The following SLC27A2 variants were observed in gnomAD, a reference collection of about 807,000 sequenced individuals.
SLC27A2 encodes the protein solute carrier family 27 member 2, also known as long-chain fatty acid transport protein 2.
Under a neutral mutation model 60.0 loss-of-function variants are expected in SLC27A2, and 54 were observed. The observed-to-expected ratio is 0.90, with a 90% CI of 0.72 to 1.13. The LOEUF is 1.13. Ranked by LOEUF, SLC27A2 falls within the 50% of genes most tolerant of loss-of-function variation. The pLI is 0.00. For missense variants in SLC27A2, 739 were observed against 777.6 expected, an observed-to-expected ratio of 0.95 and a Z score of 0.59; for synonymous variants, 297 against 297.6, an observed-to-expected ratio of 1.00 and a Z score of 0.02.
rs143557372 is a variant in SLC27A2 at position 50,182,702 on chromosome 15, C to T, written c.275C>T (p.Ala92Val). 7 of 1,613,852 alleles carry T rather than the reference C, an allele frequency of 4.3e-6. No homozygotes were observed. Among genetic ancestry groups the T allele is most frequent in the Non-Finnish European group, 5.1e-6 (6 of 1,179,908 alleles). Reference sequence around the variant, plus strand: ...GTGGACCGGCGCAGCAATCAAGTGGCCCGGGCGCTGCACGACCACCTCGGC... The same window carrying T: ...GTGGACCGGCGCAGCAATCAAGTGGTCCGGGCGCTGCACGACCACCTCGGC... ...AQVDRRSNQV[A>V]RALHDHLGLR... is the part of the protein sequence containing the mutation. Residue 92 changes from alanine to valine, a missense_variant, in exon 1 of 10, where the codon GCC becomes GTC. Transcript: ENST00000267842.
chr15:50,182,981 A>G (rs1330414099), intron 1 of SLC27A2, 76 bp downstream of exon 1: 21 of 1,436,518 alleles, frequency 1.5e-5, no homozygotes, highest in Non-Finnish European at 2.0e-5. Flanking sequence ...GCGTGGCATA[A>G]GGGGTTCGCA....
intron 1 of SLC27A2, among the ~76,000 whole-genome samples, chr15:50,192,481 A>G (rs2044981857): frequency 6.6e-6 from 1 of 152,256 alleles, no homozygotes; most frequent in African/African-American, 2.4e-5. Context: ...GCATGACACC[A>G]GCTTAATTAC....
intron 1 of SLC27A2, among the ~76,000 whole-genome samples, chr15:50,195,928 G>A (rs1189355657): frequency 2.0e-5 from 3 of 148,876 alleles, no homozygotes; most frequent in Non-Finnish European, 3.0e-5. Flanking sequence ...GGTGGCGGGC[G>A]CCTGTGGTCC....
chr15:50,213,286 G>C (rs1453924871), intron 4 of SLC27A2, among the ~76,000 whole-genome samples: 1 of 152,054 alleles, frequency 6.6e-6, no homozygotes. Context: ...CCTAACACTG[G>C]AGCTCCCAAA....
At chr15:50,206,336 A>G (rs1213830515) in intron 4 of SLC27A2, among the ~76,000 whole-genome samples, 2 of 152,166 alleles carry the variant, frequency 1.3e-5, no homozygotes, top group Non-Finnish European at 2.9e-5. Context: ...TAAACTCACC[A>G]GATTCTAATC....
intron 1 of SLC27A2, among the ~76,000 whole-genome samples, chr15:50,193,928 G>C (rs932502770): frequency 2.6e-5 from 4 of 152,146 alleles, no homozygotes; most frequent in African/African-American, 9.7e-5. Flanking sequence ...AAAGGCTGAG[G>C]TGGGAGGATC....
At chr15:50,226,266 T>C in intron 6 of SLC27A2, 188 bp downstream of exon 6, 1 of 520,222 alleles carries the variant, frequency 1.9e-6, no homozygotes, top group Non-Finnish European at 3.5e-6. Flanking sequence ...AACATAATTC[T>C]AGTTTTAAAC....
chr15:50,182,365 G>A lies in SLC27A2; in HGVS notation c.-63G>A, dbSNP rs1207276643. Reference sequence around the variant, plus strand: ...CAGTCCGCCCGGAGCCCGCCCAGTCGCCGCGCTGCACGCCCGGGGTGAACC... The same window carrying A: ...CAGTCCGCCCGGAGCCCGCCCAGTCACCGCGCTGCACGCCCGGGGTGAACC... On this transcript the variant is annotated 5_prime_UTR_variant, in exon 1 of 10. Transcript: ENST00000267842. The A allele has an allele frequency of 2.8e-6, 4 of 1,412,954 alleles. No individual in the cohort carries two copies. The African/African-American group carries it at 6.0e-5, about 21-fold the overall frequency. The allele number at this position is 1,412,954 out of a possible 1,614,324, so 87.5% of individuals were successfully genotyped here. A position where few individuals can be genotyped will look rare whatever the true frequency, so the allele number is the denominator to read the frequency against.
intron 4 of SLC27A2, among the ~76,000 whole-genome samples, chr15:50,217,170 C>A (rs2140908876): frequency 6.6e-6 from 1 of 151,854 alleles, no homozygotes; most frequent in South Asian, 2.1e-4. Flanking sequence ...TGATGGGTGC[C>A]CCAAAATCTC....
At chr15:50,234,108 C>T (rs1323518265) in intron 9 of SLC27A2, 110 bp downstream of exon 9, 2 of 1,076,582 alleles carry the variant, frequency 1.9e-6, no homozygotes, top group African/African-American at 1.6e-5. Flanking sequence ...GTTTTCACCG[C>T]ACTTTCCAGG....
At chr15:50,198,543 C>T (rs1260083270) in intron 2 of SLC27A2, 1 of 152,036 alleles carries the variant, frequency 6.6e-6, no homozygotes, top group Non-Finnish European at 1.5e-5. Flanking sequence ...ATACAATTGA[C>T]AGCTCTACCC....
intron 4 of SLC27A2, among the ~76,000 whole-genome samples, chr15:50,217,554 C>G (rs572173131): frequency 6.6e-6 from 1 of 152,054 alleles, no homozygotes; most frequent in African/African-American, 2.4e-5. Flanking sequence ...TAAACTTTCC[C>G]GGAAAAGACA....
chr15:50,230,934 G>A (rs1324860246), intron 8 of SLC27A2, among the ~76,000 whole-genome samples: 1 of 152,170 alleles, frequency 6.6e-6, no homozygotes, highest in Admixed American at 6.6e-5. Flanking sequence ...CCAGGAGTCT[G>A]TTACAAGTGT....
At chr15:50,217,825 G>A (rs1168381039) in intron 4 of SLC27A2, among the ~76,000 whole-genome samples, 2 of 152,100 alleles carry the variant, frequency 1.3e-5, no homozygotes, top group Non-Finnish European at 2.9e-5. Context: ...GGAGGCTGAG[G>A]TGGGCGGATC....
chr15:50,187,522 A>G (rs2044934455), intron 1 of SLC27A2, among the ~76,000 whole-genome samples: 1 of 152,204 alleles, frequency 6.6e-6, no homozygotes, highest in African/African-American at 2.4e-5. Context: ...TCCACTGGGT[A>G]GATAACCCAG....
At chr15:50,203,271 T>C (rs1229279393) in intron 3 of SLC27A2, among the ~76,000 whole-genome samples, 1 of 152,174 alleles carries the variant, frequency 6.6e-6, no homozygotes, top group Non-Finnish European at 1.5e-5. Flanking sequence ...TGCATGTTAA[T>C]CTCCATCAGC....
intron 7 of SLC27A2, 126 bp from the exon 8 acceptor site, chr15:50,228,819 A>G: frequency 1.5e-6 from 1 of 679,014 alleles, no homozygotes; most frequent in Non-Finnish European, 2.6e-6. Context: ...GGGGAGTTTG[A>G]GGGGCCAAGA....
intron 1 of SLC27A2, among the ~76,000 whole-genome samples, chr15:50,191,826 A>G (rs554741749): frequency 6.6e-6 from 1 of 152,284 alleles, no homozygotes; most frequent in South Asian, 2.1e-4. Flanking sequence ...TTGGGAGGCC[A>G]AGGTGGGCGG....
intron 8 of SLC27A2, among the ~76,000 whole-genome samples, chr15:50,232,202 A>G (rs539310978): frequency 8.3e-4 from 127 of 152,324 alleles, no homozygotes; most frequent in African/African-American, 2.8e-3. Flanking sequence ...TTGGAACAGG[A>G]GAGAATTTCC....
Sources: allele counts gnomAD v4.1 joint callset (sites outside exome capture counted in the v4.1 genomes callset), GRCh38; gene constraint gnomAD v4.1.1; transcripts MANE v1.5; gene names NCBI Gene and HGNC (gene_info 2026-07-23, HGNC 2026-07-21).